The following TMEM61 variants were observed in gnomAD, a reference collection of about 807,000 sequenced individuals.
The protein encoded by TMEM61 is transmembrane protein 61.
TMEM61 carries 13 observed loss-of-function variants against 12.0 expected under a neutral mutation model. The ratio of observed to expected loss-of-function variants is 1.08; its 90% CI spans 0.70 to 1.72. The LOEUF (loss-of-function observed/expected upper bound fraction) is 1.72, where lower values mean the gene tolerates loss of function less well. Ranked by LOEUF, TMEM61 falls within the 40% of genes most tolerant of loss-of-function variation. The probability of loss-of-function intolerance (pLI) is 0.00; values close to 1 mark genes in which losing one functional copy is unlikely to be tolerated. For missense variants in TMEM61, 249 were observed against 276.9 expected (o/e 0.90, Z 0.71); for synonymous variants, 109 against 121.4 (o/e 0.90, Z 0.67).
At chr1:54,982,035 A>C (rs1644226358) in intron 1 of TMEM61, among the ~76,000 whole-genome samples, 1 of 152,210 alleles carries the variant, frequency 6.6e-6, no homozygotes, top group Non-Finnish European at 1.5e-5. Flanking sequence ...AGCAGGGTGC[A>C]TCCTCGGTCC....
chr1:54,986,366 G>T lies in TMEM61; in HGVS notation c.285G>T (p.Gly95=). Residue 95 remains glycine, a synonymous_variant, in exon 2 of 3, where the codon GGG becomes GGT. Coordinates refer to ENST00000371268, the MANE Select transcript of TMEM61 (RefSeq NM_182532.3). The part of the protein sequence containing the change: ...LLWSVKASIP[G]PPRWDPYHLS... ...GGTCCGTCAAGGCCAGCATCCCAGGGCCACCTCGATGGGACCCCTATCACC... is the reference window on the plus strand; with the variant it reads ...GGTCCGTCAAGGCCAGCATCCCAGGTCCACCTCGATGGGACCCCTATCACC... The T allele has an allele frequency of 1.9e-6, 3 of 1,613,340 alleles. No individual in the cohort carries two copies. The highest frequency in any genetic ancestry group is 2.5e-6 in the Non-Finnish European group (3 of 1,179,528).
chr1:54,991,031 C>A (rs1374469023), intron 2 of TMEM61, among the ~76,000 whole-genome samples: 1 of 152,228 alleles, frequency 6.6e-6, no homozygotes, highest in Non-Finnish European at 1.5e-5. Context: ...ATTCCCACCC[C>A]ACTCCCCACT....
chr1:54,983,121 T>G (rs1350002702), intron 1 of TMEM61, among the ~76,000 whole-genome samples: 1 of 133,636 alleles, frequency 7.5e-6, no homozygotes, highest in African/African-American at 2.6e-5. Context: ...TTTTTTTTTT[T>G]GTTTTTTTTT....
chr1:54,986,374 G>A lies in TMEM61; in HGVS notation c.293G>A (p.Arg98Gln), dbSNP rs138891775. ...SVKASIPGPP[R>Q]WDPYHLSRDL... The stretch of plus-strand genomic sequence containing the variant: ...AAGGCCAGCATCCCAGGGCCACCTC[G>A]ATGGGACCCCTATCACCTCTCCAGA... The change falls in exon 2 of 3, where the codon CGA becomes CAA. Residue 98 changes from arginine (R) to glutamine (Q), a missense_variant. By Grantham distance (43) the Arg-to-Gln change is conservative. Transcript: ENST00000371268. 92 of 1,612,878 alleles carry A rather than the reference G, an allele frequency of 5.7e-5. 1 individual carries two copies. In the South Asian group the frequency reaches 8.2e-4, roughly 14 times the overall value.
intron 2 of TMEM61, among the ~76,000 whole-genome samples, chr1:54,988,030 G>T (rs538677941): frequency 4.1e-4 from 63 of 152,336 alleles, no homozygotes; most frequent in African/African-American, 1.5e-3. Context: ...CAAAATACTT[G>T]AAATAGCATT....
chr1:54,984,685 G>A (rs748556252), intron 1 of TMEM61, among the ~76,000 whole-genome samples: 4 of 152,222 alleles, frequency 2.6e-5, no homozygotes, highest in Admixed American at 1.3e-4. Context: ...CTCACAGACC[G>A]GGGAGTGGGA....
chr1:54,981,004 C>A lies in TMEM61; in HGVS notation c.-62C>A. The A allele has an allele frequency of 2.6e-6, 4 of 1,518,972 alleles. No homozygotes were observed. The highest frequency in any genetic ancestry group is 3.5e-6 in the Non-Finnish European group (4 of 1,128,884). 94.1% of individuals were successfully genotyped at this position (1,518,972 alleles called of 1,614,324 possible). ...CGCTCAGCCCTGGCGTCCTCCACCA[C>A]CACACCTTCACCTGCGCCCGGCTCC... On this transcript the variant is annotated 5_prime_UTR_variant, in exon 1 of 3. Coordinates refer to ENST00000371268, the MANE Select transcript of TMEM61 (RefSeq NM_182532.3).
intron 1 of TMEM61, among the ~76,000 whole-genome samples, chr1:54,981,576 G>A (rs554293169): frequency 6.6e-6 from 1 of 152,246 alleles, no homozygotes; most frequent in South Asian, 2.1e-4. Context: ...CGAGATCGCA[G>A]GACTGCCCTC....
chr1:54,982,261 G>A (rs1197111068), intron 1 of TMEM61, among the ~76,000 whole-genome samples: 1 of 152,170 alleles, frequency 6.6e-6, no homozygotes, highest in Non-Finnish European at 1.5e-5. Flanking sequence ...GGCAGCTTCT[G>A]TAGACAGCCT....
intron 1 of TMEM61, 121 bp from the exon 2 acceptor site, chr1:54,985,976 C>T (rs1644254867): frequency 2.4e-6 from 2 of 836,856 alleles, no homozygotes; most frequent in Admixed American, 6.2e-5. Context: ...AAACTGAGGC[C>T]CAGAGGAGTT....
intron 2 of TMEM61, among the ~76,000 whole-genome samples, chr1:54,989,320 C>T (rs970361180): frequency 6.6e-6 from 1 of 152,154 alleles, no homozygotes; most frequent in Admixed American, 6.5e-5. Context: ...GCCTCTACCC[C>T]CCAGGGTGGT....
chr1:54,987,031 T>G (rs1019922823), intron 2 of TMEM61, among the ~76,000 whole-genome samples: 2 of 152,240 alleles, frequency 1.3e-5, no homozygotes, highest in African/African-American at 4.8e-5. Context: ...GCTACTGTTA[T>G]GAGTTCCATT....
At chr1:54,986,503 C>G (rs1330852349) in intron 2 of TMEM61, 57 bp downstream of exon 2, 3 of 1,359,010 alleles carry the variant, frequency 2.2e-6, no homozygotes, top group East Asian at 2.3e-5. Flanking sequence ...CCCAGTCACA[C>G]CAGCCCACCA....
chr1:54,980,958 GA>G lies in TMEM61; in HGVS notation c.-107del. The G allele has an allele frequency of 7.8e-7, 1 of 1,274,594 alleles. No homozygotes were observed. The highest frequency in any genetic ancestry group is 1.1e-6 in the Non-Finnish European group (1 of 951,110). 79.0% of individuals were successfully genotyped at this position (1,274,594 alleles called of 1,614,324 possible). On this transcript the variant is annotated 5_prime_UTR_variant, in exon 1 of 3. Transcript: ENST00000371268. ...TAACACCCGCGCCTCCTGCAGACCC[GA>G]GGGTCGCCGCTGGTAGGGTCGCTCA...
Position 54,980,814 on chromosome 1 carries a change from C to T in TMEM61, c.-252C>T. On this transcript the variant is annotated 5_prime_UTR_variant, in exon 1 of 3. Transcript: ENST00000371268. ...TGAGGCCTGGCTCGGTCCCTGCGCACCGGGTGCGGGCGGCGGAGAGGGCGC... is the reference window on the plus strand; with the variant it reads ...TGAGGCCTGGCTCGGTCCCTGCGCATCGGGTGCGGGCGGCGGAGAGGGCGC... 2 of 387,188 alleles carry T rather than the reference C, an allele frequency of 5.2e-6. No individual in the cohort carries two copies. The highest frequency in any genetic ancestry group is 9.1e-6 in the Non-Finnish European group (2 of 219,374). The allele number at this position is 387,188 out of a possible 1,614,324, so 24.0% of individuals were successfully genotyped here. A position where few individuals can be genotyped will look rare whatever the true frequency, so the allele number is the denominator to read the frequency against.
In TMEM61 at chr1:54,980,951, C is replaced by G; in HGVS notation, c.-115C>G. The G allele has an allele frequency of 8.4e-7, 1 of 1,188,644 alleles. No homozygotes were observed. Among genetic ancestry groups the G allele is most frequent in the Non-Finnish European group, 1.1e-6 (1 of 880,160 alleles). 73.6% of individuals were successfully genotyped at this position (1,188,644 alleles called of 1,614,324 possible). ...CCGCCCCTAACACCCGCGCCTCCTG[C>G]AGACCCGAGGGTCGCCGCTGGTAGG... On this transcript the variant is annotated 5_prime_UTR_variant, in exon 1 of 3. Transcript: ENST00000371268.
intron 2 of TMEM61, among the ~76,000 whole-genome samples, chr1:54,990,186 G>A (rs2101637936): frequency 6.6e-6 from 1 of 152,224 alleles, no homozygotes; most frequent in Non-Finnish European, 1.5e-5. Flanking sequence ...AGAGAAGGAA[G>A]GGAGGTCTGT....
chr1:54,991,822 T>A lies in TMEM61; in HGVS notation c.366-14T>A. 6.2e-7 allele frequency: 1 copy of A among 1,612,804 alleles called. No homozygotes were observed. The highest frequency in any genetic ancestry group is 8.5e-7 in the Non-Finnish European group (1 of 1,179,332). ...CCCCAGCCCCTGCTAACAGCCTCTC[T>A]TCTGTTCCTGCAGGACCCCCAAAGT... is the stretch of plus-strand genomic sequence containing the variant. On this transcript the variant is annotated splice_polypyrimidine_tract_variant and intron_variant, in intron 2 of 2. Coordinates refer to ENST00000371268, the MANE Select transcript of TMEM61 (RefSeq NM_182532.3).
intron 1 of TMEM61, among the ~76,000 whole-genome samples, chr1:54,983,903 C>T (rs907853242): frequency 6.6e-6 from 1 of 150,648 alleles, no homozygotes; most frequent in East Asian, 1.9e-4. Context: ...AGGCACTTGC[C>T]CCCTGGACAG....
Sources: gnomAD v4.1 joint callset for allele counts (sites outside exome capture counted in the v4.1 genomes callset) on GRCh38, gnomAD v4.1.1 for gene constraint, MANE v1.5 for transcripts, NCBI Gene and HGNC (gene_info 2026-07-23, HGNC 2026-07-21) for gene names.